PTCHD4: variants seen among roughly 807,000 people sequenced by gnomAD.
The protein encoded by PTCHD4 is patched domain-containing protein 4.
Under a neutral mutation model 58.1 loss-of-function variants are expected in PTCHD4, and 33 were observed. That is an observed-to-expected ratio of 0.57 (90% CI 0.43 to 0.76). The LOEUF (loss-of-function observed/expected upper bound fraction) is 0.76. Among genes scored for constraint, PTCHD4 ranks in the 30% least tolerant of loss-of-function variants. The pLI is 0.00. For missense variants in PTCHD4, 1,058 were observed against 1,027.1 expected (o/e 1.03, Z -0.41); for synonymous variants, 478 against 409.6 (o/e 1.17, Z -2.02).
chr6:47,890,962 C>A lies in PTCHD4; in HGVS notation c.899-11026G>T, dbSNP rs112104142. Reference sequence around the variant, plus strand: ...GTGGCTCACACCTGTAATCCCAGCACTTTGGGGGGCTGAGGCTGGTGGATC... The same window carrying A: ...GTGGCTCACACCTGTAATCCCAGCAATTTGGGGGGCTGAGGCTGGTGGATC... On this transcript the variant is annotated intron_variant, in intron 4 of 4. Coordinates refer to ENST00000339488, the MANE Select transcript of PTCHD4 (RefSeq NM_001384253.1). 1.1e-3 allele frequency: 927 copies of A among 843,438 alleles called. 7 individuals carry two copies. The African/African-American group carries it at 0.011, about 10-fold the overall frequency. 52.2% of individuals were successfully genotyped at this position (843,438 alleles called of 1,614,324 possible).
intron 4 of PTCHD4, among the ~76,000 whole-genome samples, chr6:47,969,513 A>G (rs1033430575): frequency 6.6e-6 from 1 of 152,184 alleles, no homozygotes; most frequent in Non-Finnish European, 1.5e-5. Flanking sequence ...ATATGTTCCT[A>G]TAGAAAGTAA....
intron 4 of PTCHD4, among the ~76,000 whole-genome samples, chr6:47,939,350 T>C (rs1226656046): frequency 6.6e-6 from 1 of 151,372 alleles, no homozygotes; most frequent in Non-Finnish European, 1.5e-5. Context: ...TTGGAGACTA[T>C]ATTTGGAAAA....
intron 4 of PTCHD4, among the ~76,000 whole-genome samples, chr6:47,955,509 T>C (rs10485047): frequency 0.048 from 7,347 of 152,304 alleles, 211 homozygotes; most frequent in African/African-American, 0.064. Flanking sequence ...CCAGAAATGA[T>C]TGACCATTAT....
chr6:47,979,087 T>C (rs10214575), intron 4 of PTCHD4, among the ~76,000 whole-genome samples: 36,035 of 151,972 alleles, frequency 0.24, 4,442 homozygotes, highest in Non-Finnish European at 0.25. Flanking sequence ...GCTTACCACG[T>C]GAGTCTATTT....
At chr6:47,936,451 C>T (rs547569131) in intron 4 of PTCHD4, among the ~76,000 whole-genome samples, 211 of 152,258 alleles carry the variant, frequency 1.4e-3, no homozygotes, top group Admixed American at 3.0e-3. Flanking sequence ...AACATAATTT[C>T]GAAAAGCCCT....
At chr6:47,951,427 G>C (rs1161489717) in intron 4 of PTCHD4, among the ~76,000 whole-genome samples, 2 of 152,164 alleles carry the variant, frequency 1.3e-5, no homozygotes, top group Non-Finnish European at 2.9e-5. Flanking sequence ...TGTGACTAGT[G>C]CTGGGCACTA....
chr6:47,947,624 A>T (rs1365462253), intron 4 of PTCHD4, among the ~76,000 whole-genome samples: 1 of 152,110 alleles, frequency 6.6e-6, no homozygotes, highest in African/African-American at 2.4e-5. Flanking sequence ...GTATTCTACC[A>T]TGCATAGTTG....
chr6:47,993,060 G>A (rs2114039898), intron 4 of PTCHD4, among the ~76,000 whole-genome samples: 1 of 152,250 alleles, frequency 6.6e-6, no homozygotes, highest in South Asian at 2.1e-4. Context: ...AAAAGCATGG[G>A]CACCATGGCA....
intron 3 of PTCHD4, among the ~76,000 whole-genome samples, chr6:48,061,407 G>A (rs547500214): frequency 3.3e-5 from 5 of 152,218 alleles, no homozygotes; most frequent in South Asian, 2.1e-4. Context: ...CATGATAAAC[G>A]ATATGCTGAG....
Position 47,934,139 on chromosome 6 carries a change from C to T in PTCHD4, c.899-54203G>A, listed in dbSNP as rs188822667. The stretch of plus-strand genomic sequence containing the variant: ...GAGGGGGTCCCAGGCGAAACTCCAA[C>T]TAGCTTGCCCACTGATGGGGAGCCT... On this transcript the variant is annotated intron_variant, in intron 4 of 4. Coordinates refer to ENST00000339488, the MANE Select transcript of PTCHD4 (RefSeq NM_001384253.1). Among the ~76,000 whole-genome samples, 526 of 152,214 alleles carry T rather than the reference C, an allele frequency of 3.5e-3. 6 individuals are homozygous for T. The highest frequency in any genetic ancestry group is 0.015 in the South Asian group (70 of 4,812).
intron 4 of PTCHD4, among the ~76,000 whole-genome samples, chr6:47,934,561 A>G (rs761672566): frequency 6.6e-6 from 1 of 152,244 alleles, no homozygotes; most frequent in Non-Finnish European, 1.5e-5. Context: ...GCAAAAGTAT[A>G]TAAGAAACAG....
intron 4 of PTCHD4, among the ~76,000 whole-genome samples, chr6:47,923,149 C>T (rs191997399): frequency 3.3e-5 from 5 of 152,222 alleles, no homozygotes; most frequent in Admixed American, 3.3e-4. Context: ...TTCTGTCAGT[C>T]ATTAGTTAAA....
intron 4 of PTCHD4, among the ~76,000 whole-genome samples, chr6:47,953,866 CATA>C (rs944170895): frequency 4.6e-5 from 7 of 152,166 alleles, no homozygotes; most frequent in Non-Finnish European, 1.0e-4. Flanking sequence ...TGCTACATCT[CATA>C]ATATCTTCTG....
chr6:48,004,519 C>G (rs1356114576), intron 4 of PTCHD4, among the ~76,000 whole-genome samples: 1 of 152,124 alleles, frequency 6.6e-6, no homozygotes, highest in African/African-American at 2.4e-5. Flanking sequence ...GAAAAAAAGG[C>G]TGACAATGAG....
intron 4 of PTCHD4, among the ~76,000 whole-genome samples, chr6:47,990,589 A>G (rs1226839502): frequency 2.0e-5 from 3 of 152,096 alleles, no homozygotes; most frequent in Non-Finnish European, 4.4e-5. Context: ...TTCTCTTGCC[A>G]CCACCATATA....
At chr6:48,083,151 T>C (rs923012562) in intron 1 of PTCHD4, among the ~76,000 whole-genome samples, 1 of 150,442 alleles carries the variant, frequency 6.6e-6, no homozygotes, top group Non-Finnish European at 1.5e-5. Context: ...TTAATATATA[T>C]TCATATATAC....
At position 47,872,362 on chromosome 6, in the gene PTCHD4, C is replaced by A. The variant is rs1436089750; in HGVS notation, c.*5941G>T. Among the ~76,000 whole-genome samples, 1 of 151,536 alleles carries A rather than the reference C, an allele frequency of 6.6e-6. No homozygotes were observed. ...CTCTGGTTTGACAGAGCCTTGTGGG[C>A]AATGTGCTTACTCTACAAACTGTGG... On this transcript the variant is annotated 3_prime_UTR_variant, in exon 5 of 5. Transcript: ENST00000339488.
chr6:47,933,897 C>T lies in PTCHD4; in HGVS notation c.899-53961G>A, dbSNP rs150110370. 5.2e-3 allele frequency among the ~76,000 whole-genome samples: 786 copies of T among 152,176 alleles called. 7 individuals are homozygous for T. The highest frequency in any genetic ancestry group is 0.017 in the African/African-American group (725 of 41,516). On this transcript the variant is annotated intron_variant, in intron 4 of 4. Coordinates refer to ENST00000339488, the MANE Select transcript of PTCHD4 (RefSeq NM_001384253.1). Reference sequence around the variant, plus strand: ...TTATGAATTACAAAACAAATTACTTCTTAATAAAGGTATCAAATTATTATT... The same window carrying T: ...TTATGAATTACAAAACAAATTACTTTTTAATAAAGGTATCAAATTATTATT...
rs574014950 is a variant in PTCHD4 at position 47,965,839 on chromosome 6, C to T, written c.898+42795G>A. 1.1e-4 allele frequency among the ~76,000 whole-genome samples: 17 copies of T among 152,080 alleles called. No homozygotes were observed. In the East Asian group the frequency reaches 3.3e-3, roughly 29 times the overall value. Reference sequence around the variant, plus strand: ...CTGAGGCAGGAGAATGGCATGAACCCGGGAGGCGGGGCTTGCAGTGAGCTG... The same window carrying T: ...CTGAGGCAGGAGAATGGCATGAACCTGGGAGGCGGGGCTTGCAGTGAGCTG... On this transcript the variant is annotated intron_variant, in intron 4 of 4. Coordinates refer to ENST00000339488, the MANE Select transcript of PTCHD4 (RefSeq NM_001384253.1).
Sources: allele counts gnomAD v4.1 joint callset (sites outside exome capture counted in the v4.1 genomes callset), GRCh38; gene constraint gnomAD v4.1.1; transcripts MANE v1.5; gene names NCBI Gene and HGNC (gene_info 2026-07-23, HGNC 2026-07-21).